The following CEP63 variants were observed in gnomAD, a reference collection of about 807,000 sequenced individuals.
The protein encoded by CEP63 is centrosomal protein of 63 kDa.
CEP63 carries 84 observed loss-of-function variants against 89.1 expected under a neutral mutation model. The observed-to-expected ratio is 0.94, with a 90% CI of 0.79 to 1.13. The LOEUF (loss-of-function observed/expected upper bound fraction) is 1.13. Ranked by LOEUF, CEP63 falls within the 50% of genes most tolerant of loss-of-function variation. The pLI is 0.00. For synonymous variants in CEP63, 267 were observed against 272.5 expected, an observed-to-expected ratio of 0.98 and a Z score of 0.20; for missense variants, 838 against 813.3, an observed-to-expected ratio of 1.03 and a Z score of -0.37.
At chr3:134,553,981 T>A (rs1161577532) in intron 12 of CEP63, among the ~76,000 whole-genome samples, 1 of 152,246 alleles carries the variant, frequency 6.6e-6, no homozygotes, top group Non-Finnish European at 1.5e-5. Context: ...ACACTGTCAT[T>A]GAAGGTGGCA....
the CEP63 span, among the ~76,000 whole-genome samples, chr3:134,762,339 G>A: frequency 6.6e-6 from 1 of 152,128 alleles, no homozygotes; most frequent in African/African-American, 2.4e-5. Flanking sequence ...ACTTTCTGGG[G>A]CGGTGTATCA....
downstream of CEP63, among the ~76,000 whole-genome samples, chr3:134,591,865 A>G (rs1302623693): frequency 3.4e-5 from 5 of 148,686 alleles, no homozygotes; most frequent in Admixed American, 6.9e-5. Flanking sequence ...TGGGCAACAG[A>G]GCCAGAGCCA....
the CEP63 span, among the ~76,000 whole-genome samples, chr3:134,642,344 C>T: frequency 6.6e-6 from 1 of 152,190 alleles, no homozygotes; most frequent in Non-Finnish European, 1.5e-5. Context: ...TAGGTTAGGA[C>T]ATCAACTCTC....
At chr3:134,777,269 A>G in the CEP63 span, among the ~76,000 whole-genome samples, 9 of 152,170 alleles carry the variant, frequency 5.9e-5, no homozygotes, top group African/African-American at 2.2e-4. Flanking sequence ...GATCTGGACT[A>G]TATTTCTTGT....
At chr3:134,495,863 A>C (rs1939699477) in intron 2 of CEP63, among the ~76,000 whole-genome samples, 1 of 152,124 alleles carries the variant, frequency 6.6e-6, no homozygotes, top group African/African-American at 2.4e-5. Context: ...TCACTTAACG[A>C]CCACCAGTTT....
At chr3:134,724,521 C>G in the CEP63 span, among the ~76,000 whole-genome samples, 1 of 152,162 alleles carries the variant, frequency 6.6e-6, no homozygotes, top group Non-Finnish European at 1.5e-5. Context: ...CCATTGGCAC[C>G]CAGCTCCAGA....
At chr3:134,667,209 C>T in the CEP63 span, among the ~76,000 whole-genome samples, 3 of 152,220 alleles carry the variant, frequency 2.0e-5, no homozygotes, top group Admixed American at 2.0e-4. Context: ...TTCCCCCCGA[C>T]TAATGTTGTT....
At chr3:134,681,728 G>C in the CEP63 span, among the ~76,000 whole-genome samples, 1 of 152,214 alleles carries the variant, frequency 6.6e-6, no homozygotes, top group Non-Finnish European at 1.5e-5. Context: ...ACTTCCAAGA[G>C]GAGGAAAGAA....
chr3:134,713,099 G>A, the CEP63 span, among the ~76,000 whole-genome samples: 17 of 152,140 alleles, frequency 1.1e-4, no homozygotes, highest in East Asian at 1.9e-4. Flanking sequence ...CTTAACAAAC[G>A]TTTGTTTTTC....
chr3:134,650,783 A>C, the CEP63 span: 1 of 1,518,692 alleles, frequency 6.6e-7, no homozygotes, highest in Non-Finnish European at 8.8e-7. Context: ...AAGGAGGCCA[A>C]GGTGCCGGGG....
In CEP63 at chr3:134,564,641, G is replaced by T; in HGVS notation, c.*3106G>T. 1.0e-6 allele frequency: 1 copy of T among 985,366 alleles called. No individual in the cohort carries two copies. The highest frequency in any genetic ancestry group is 1.2e-6 in the Non-Finnish European group (1 of 829,892). The allele number at this position is 985,366 out of a possible 1,614,324, so 61.0% of individuals were successfully genotyped here. ...AGTAAAACTGAAATAATATCTAATG[G>T]GGTCGAGAAGATTTACTGAAAATAT... On this transcript the variant is annotated 3_prime_UTR_variant, in exon 15 of 15. Coordinates refer to ENST00000675561, the MANE Select transcript of CEP63 (RefSeq NM_001353108.3).
the CEP63 span, among the ~76,000 whole-genome samples, chr3:134,716,679 A>G: frequency 6.6e-6 from 1 of 152,108 alleles, no homozygotes; most frequent in Non-Finnish European, 1.5e-5. Context: ...ATCCTTTTTC[A>G]CAATCCAAAC....
At chr3:134,694,145 G>A in the CEP63 span, among the ~76,000 whole-genome samples, 2 of 152,178 alleles carry the variant, frequency 1.3e-5, no homozygotes, top group Admixed American at 6.5e-5. Context: ...AGGGCAGGGG[G>A]CTCTCAATGG....
Position 134,561,643 on chromosome 3 carries a change from A to T in CEP63, c.*108A>T. The T allele has an allele frequency of 6.6e-7, 1 of 1,523,954 alleles. No individual in the cohort carries two copies. Among genetic ancestry groups the T allele is most frequent in the Non-Finnish European group, 8.8e-7 (1 of 1,137,944 alleles). 94.4% of individuals were successfully genotyped at this position (1,523,954 alleles called of 1,614,324 possible). On this transcript the variant is annotated 3_prime_UTR_variant, in exon 15 of 15. Transcript: ENST00000675561. The stretch of plus-strand genomic sequence containing the variant: ...ATGAAGAGATAAAATTATAAAAATG[A>T]TACATCTAAAGCAGTGGTGAAGAAA...
chr3:134,590,459 C>A (rs990687509), downstream of CEP63, among the ~76,000 whole-genome samples: 1 of 151,974 alleles, frequency 6.6e-6, no homozygotes, highest in Non-Finnish European at 1.5e-5. Flanking sequence ...CAAAAATATA[C>A]CTGCAAATAC....
At chr3:134,745,821 C>T in the CEP63 span, among the ~76,000 whole-genome samples, 13 of 151,000 alleles carry the variant, frequency 8.6e-5, no homozygotes, top group African/African-American at 1.9e-4. Flanking sequence ...TCAGAATGAT[C>T]GTTTCCAGCG....
intron 3 of CEP63, among the ~76,000 whole-genome samples, chr3:134,529,900 G>T (rs1175800806): frequency 3.4e-4 from 50 of 147,774 alleles, no homozygotes; most frequent in Non-Finnish European, 1.0e-4. Context: ...TTTAGACGGG[G>T]TCTTGCTCTG....
the CEP63 span, chr3:134,603,945 C>T: frequency 6.2e-7 from 1 of 1,614,016 alleles, no homozygotes; most frequent in Middle Eastern, 1.6e-4. Flanking sequence ...CCTGCCTCTT[C>T]TTGACAAAGA....
chr3:134,714,208 T>G, the CEP63 span, among the ~76,000 whole-genome samples: 1 of 152,212 alleles, frequency 6.6e-6, no homozygotes, highest in African/African-American at 2.4e-5. Flanking sequence ...TCAGGTAATA[T>G]CAATACTGCT....
Sources: allele counts gnomAD v4.1 joint callset (sites outside exome capture counted in the v4.1 genomes callset), GRCh38; gene constraint gnomAD v4.1.1; transcripts MANE v1.5; gene names NCBI Gene and HGNC (gene_info 2026-07-23, HGNC 2026-07-21).